Variants in CRAMP1 observed in about 807,000 individuals in gnomAD.
CRAMP1 encodes the protein cramped chromatin regulator 1.
In CRAMP1, 50 loss-of-function variants were observed where a neutral mutation model predicts 115.4. That is an observed-to-expected ratio of 0.43 (90% CI 0.35 to 0.55). The LOEUF (loss-of-function observed/expected upper bound fraction) is 0.55. CRAMP1 is among the 20% of genes least tolerant of loss of function. CRAMP1 has a pLI of 0.01. For missense variants in CRAMP1, 1,679 were observed against 1,721.7 expected, an observed-to-expected ratio of 0.98 and a Z score of 0.44; for synonymous variants, 866 against 745.4, an observed-to-expected ratio of 1.16 and a Z score of -2.64.
chr16:1,653,688 G>C lies in CRAMP1; in HGVS notation c.1037+532G>C, dbSNP rs569965112. ...ACTAAAAATACAAAAAAAAAAGGTG[G>C]CAGGCGCCTGTAGTCCCAGCTACTC... On this transcript the variant is annotated intron_variant, in intron 8 of 20. Transcript: ENST00000397412. 7.9e-5 allele frequency among the ~76,000 whole-genome samples: 12 copies of C among 151,856 alleles called. No homozygotes were observed. In the South Asian group the frequency reaches 2.5e-3, roughly 32 times the overall value.
chr16:1,644,582 G>A lies in CRAMP1; in HGVS notation c.827+3395G>A, dbSNP rs574296891. Reference sequence around the variant, plus strand: ...GGCAGGAAGGGAACCTGCCTGGGGCGTTTAGGGAAGCGATCAGGGGCCACA... The same window carrying A: ...GGCAGGAAGGGAACCTGCCTGGGGCATTTAGGGAAGCGATCAGGGGCCACA... On this transcript the variant is annotated intron_variant, in intron 6 of 20. Transcript: ENST00000397412. 6.6e-5 allele frequency among the ~76,000 whole-genome samples: 10 copies of A among 152,306 alleles called. No homozygotes were observed. In the East Asian group the frequency reaches 1.4e-3, roughly 21 times the overall value.
intron 20 of CRAMP1, among the ~76,000 whole-genome samples, chr16:1,673,045 C>T (rs551558776): frequency 3.9e-5 from 6 of 152,120 alleles, no homozygotes; most frequent in African/African-American, 1.4e-4. Context: ...ACCACATGTC[C>T]TTGGGATTCT....
chr16:1,670,463 C>G, intron 19 of CRAMP1: 1 of 599,542 alleles, frequency 1.7e-6, no homozygotes, highest in South Asian at 1.9e-5. Flanking sequence ...AGGTGCATGT[C>G]TGTATGCACG....
intron 5 of CRAMP1, among the ~76,000 whole-genome samples, chr16:1,640,729 T>C (rs2036624775): frequency 6.6e-6 from 1 of 152,180 alleles, no homozygotes; most frequent in Non-Finnish European, 1.5e-5. Context: ...CACCGGACAC[T>C]GTCAGTACGA....
intron 13 of CRAMP1, among the ~76,000 whole-genome samples, chr16:1,663,602 T>C (rs1372678108): frequency 1.3e-5 from 2 of 152,200 alleles, no homozygotes; most frequent in African/African-American, 4.8e-5. Context: ...AGAATTCACA[T>C]ATCATAATGT....
chr16:1,624,816 T>C (rs1373548184), intron 2 of CRAMP1, among the ~76,000 whole-genome samples: 2 of 152,122 alleles, frequency 1.3e-5, no homozygotes, highest in Non-Finnish European at 2.9e-5. Context: ...TCTCTTGACC[T>C]CGTGATCTGC....
chr16:1,616,760 A>G (rs924914749), intron 2 of CRAMP1, among the ~76,000 whole-genome samples: 1 of 151,952 alleles, frequency 6.6e-6, no homozygotes, highest in Non-Finnish European at 1.5e-5. Flanking sequence ...ATGCAAATTT[A>G]TTAGAATTTG....
At chr16:1,667,256 C>A in intron 16 of CRAMP1, 79 bp from the exon 17 acceptor site, 1 of 1,198,456 alleles carries the variant, frequency 8.3e-7, no homozygotes, top group South Asian at 1.2e-5. Context: ...GCCTCTTTTT[C>A]TGGAACTCTG....
chr16:1,613,539 C>A (rs1324748168), intron 1 of CRAMP1, among the ~76,000 whole-genome samples: 1 of 152,218 alleles, frequency 6.6e-6, no homozygotes, highest in South Asian at 2.1e-4. Context: ...TGCTTCCTCA[C>A]ACGTGCCCGT....
chr16:1,626,202 G>A (rs766341268), intron 3 of CRAMP1, 36 bp downstream of exon 3: 20 of 1,447,020 alleles, frequency 1.4e-5, no homozygotes, highest in Admixed American at 2.7e-5. Context: ...AGGCAGCCTG[G>A]GCGTCCCTCT....
At position 1,669,114 on chromosome 16, in the gene CRAMP1, C is replaced by T; in HGVS notation, c.3448C>T (p.Pro1150Ser). ...CTGGATCGCCTCTCCCACCCACGAC[C>T]CCCAGTGGTACCCCAGTGACTCCAC... ...PHWIASPTHDPQWYPSDSTDS... is the reference protein window; with the variant it reads ...PHWIASPTHDSQWYPSDSTDS... The change falls in exon 19 of 21, where the codon CCC (proline) becomes TCC (serine). Residue 1150 changes from proline to serine, a missense_variant. Pro to Ser is a moderately conservative substitution (Grantham distance 74, BLOSUM62 -1). Transcript: ENST00000397412. This position sits in a 1 kb window ranked among gnomAD's most constrained non-coding sequence, Gnocchi z 4.6. 1.2e-6 allele frequency: 2 copies of T among 1,610,382 alleles called. No homozygotes were observed.
At chr16:1,637,631 T>A (rs571729365) in intron 4 of CRAMP1, among the ~76,000 whole-genome samples, 193 bp from the exon 5 acceptor site, 1 of 152,370 alleles carries the variant, frequency 6.6e-6, no homozygotes, top group Non-Finnish European at 1.5e-5. Flanking sequence ...TTTAACTTTT[T>A]ATTTTGAAAA....
At chr16:1,633,796 G>A (rs1170883387) in intron 4 of CRAMP1, among the ~76,000 whole-genome samples, 2 of 152,158 alleles carry the variant, frequency 1.3e-5, no homozygotes, top group South Asian at 2.1e-4. Context: ...TCCAGGCTGC[G>A]CGCGGTGGCT....
chr16:1,644,241 G>A (rs1165515289), intron 6 of CRAMP1, among the ~76,000 whole-genome samples: 2 of 152,212 alleles, frequency 1.3e-5, no homozygotes, highest in African/African-American at 2.4e-5. Flanking sequence ...TCATCCTCCA[G>A]AGAGGTGTGA....
chr16:1,654,013 G>C (rs1215808162), intron 8 of CRAMP1, among the ~76,000 whole-genome samples: 3 of 149,612 alleles, frequency 2.0e-5, no homozygotes, highest in African/African-American at 7.4e-5. Context: ...CGTGGTGGTG[G>C]GTGCTTGTAA....
intron 11 of CRAMP1, among the ~76,000 whole-genome samples, chr16:1,660,870 TG>T (rs2036823046): frequency 6.6e-6 from 1 of 151,970 alleles, no homozygotes; most frequent in African/African-American, 2.4e-5. Flanking sequence ...TAGTCTGACG[TG>T]GTGGTGCGCG....
At chr16:1,659,148 C>T (rs1010899659) in intron 10 of CRAMP1, among the ~76,000 whole-genome samples, 1 of 152,148 alleles carries the variant, frequency 6.6e-6, no homozygotes, top group Non-Finnish European at 1.5e-5. Context: ...CCTATATTTC[C>T]TTCCTCTGAC....
rs1461574852 is a variant in CRAMP1, at chr16:1,666,237, A to G, written c.2857+60A>G. ...TGAGCCTCTGAGGGATGTTTTTGTGACCAGGTTTTTTGAATGTTTTCTTCT... is the reference window on the plus strand; with the variant it reads ...TGAGCCTCTGAGGGATGTTTTTGTGGCCAGGTTTTTTGAATGTTTTCTTCT... On this transcript the variant is annotated intron_variant, in intron 15 of 20. Coordinates refer to ENST00000397412, the MANE Select transcript of CRAMP1 (RefSeq NM_020825.4). This position sits in a 1 kb window ranked among gnomAD's most constrained non-coding sequence, Gnocchi z 5.0. 1.5e-6 allele frequency: 2 copies of G among 1,324,538 alleles called. No individual in the cohort carries two copies. Among genetic ancestry groups the G allele is most frequent in the African/African-American group, 2.9e-5 (2 of 68,368 alleles). 82.0% of individuals were successfully genotyped at this position (1,324,538 alleles called of 1,614,324 possible). A position where few individuals can be genotyped will look rare whatever the true frequency, so the allele number is the denominator to read the frequency against.
intron 20 of CRAMP1, among the ~76,000 whole-genome samples, chr16:1,673,207 G>T (rs13330294): frequency 6.9e-6 from 1 of 145,844 alleles, no homozygotes; most frequent in East Asian, 2.0e-4. Context: ...TGATGGGAAC[G>T]TGTCCCCCAC....
Sources: allele counts gnomAD v4.1 joint callset (sites outside exome capture counted in the v4.1 genomes callset), GRCh38; gene constraint gnomAD v4.1.1; non-coding constraint Gnocchi (gnomAD v3.1); transcripts MANE v1.5; gene names NCBI Gene and HGNC (gene_info 2026-07-23, HGNC 2026-07-21).